YIPF6: variants seen among roughly 807,000 people sequenced by gnomAD.
The protein encoded by YIPF6 is Yip1 domain family member 6.
In YIPF6, 3 loss-of-function variants were observed where a neutral mutation model predicts 16.8. The observed-to-expected ratio is 0.18, with a 90% CI of 0.08 to 0.46. The LOEUF (loss-of-function observed/expected upper bound fraction) is 0.46. YIPF6 is among the 20% of genes least tolerant of loss of function. The probability of loss-of-function intolerance (pLI) is 0.98; values close to 1 mark genes in which losing one functional copy is unlikely to be tolerated. For synonymous variants in YIPF6, 67 were observed against 61.9 expected, an observed-to-expected ratio of 1.08 and a Z score of -0.38; for missense variants, 145 against 184.9, an observed-to-expected ratio of 0.78 and a Z score of 1.25.
rs1002157630 is a variant in YIPF6 at position 68,526,092 on chromosome X, T to C, written c.592+3175T>C. Among the ~76,000 whole-genome samples the C allele has an allele frequency of 1.8e-5, 2 of 112,037 alleles. 1 individual carries two copies. On this transcript the variant is annotated intron_variant, in intron 6 of 6. Coordinates refer to ENST00000462683, the MANE Select transcript of YIPF6 (RefSeq NM_173834.4). ...ACTTTGGGCAGTATGGCCATTTTCA[T>C]GATATTGATTCTTCCTATCCATCAG... is the stretch of plus-strand genomic sequence containing the variant.
At chrX:68,511,824 CT>C (rs750358281) in intron 1 of YIPF6, 24 bp from the exon 2 acceptor site, 8 of 1,185,629 alleles carry the variant, frequency 6.7e-6, no homozygotes, top group African/African-American at 5.3e-5. Flanking sequence ...TACAGGCTTA[CT>C]TTTTTTCCCC....
At chrX:68,513,462 A>G in intron 3 of YIPF6, 57 bp downstream of exon 3, 2 of 846,036 alleles carry the variant, frequency 2.4e-6, no homozygotes, top group South Asian at 3.7e-5. Context: ...ACCTTATCGT[A>G]AGTACTTTAT....
intron 1 of YIPF6, among the ~76,000 whole-genome samples, chrX:68,502,038 G>A (rs2079042899): frequency 8.9e-6 from 1 of 112,066 alleles, no homozygotes; most frequent in Admixed American, 9.6e-5. Context: ...TAGAATGCCT[G>A]GCATATAATA....
At chrX:68,524,360 G>T (rs1483781312) in intron 6 of YIPF6, among the ~76,000 whole-genome samples, 1 of 109,889 alleles carries the variant, frequency 9.1e-6, no homozygotes, top group African/African-American at 3.3e-5. Context: ...GTAGAGATGG[G>T]GTTTCACCAT....
chrX:68,534,299 G>A lies in YIPF6; in HGVS notation c.*2300G>A, dbSNP rs1487961418. The stretch of plus-strand genomic sequence containing the variant: ...AGCATTCTTTTTTTTTTTTAGTAGC[G>A]GTATTTCCATTTACAAAATATAGTA... On this transcript the variant is annotated 3_prime_UTR_variant, in exon 7 of 7. Transcript: ENST00000462683. 1 of 109,813 alleles carries A rather than the reference G, an allele frequency of 9.1e-6. No individual in the cohort carries two copies. The highest frequency in any genetic ancestry group is 1.9e-5 in the Non-Finnish European group (1 of 52,747). 9.0% of individuals were successfully genotyped at this position (109,813 alleles called of 1,213,427 possible). A position where few individuals can be genotyped will look rare whatever the true frequency, so the allele number is the denominator to read the frequency against.
chrX:68,530,956 G>A (rs1489181619), intron 6 of YIPF6, among the ~76,000 whole-genome samples: 1 of 110,967 alleles, frequency 9.0e-6, no homozygotes, highest in Non-Finnish European at 1.9e-5. Context: ...TAAAGAGATG[G>A]GGTTTCACTC....
At chrX:68,518,272 CAA>C (rs56068863) in intron 3 of YIPF6, among the ~76,000 whole-genome samples, 45 of 74,085 alleles carry the variant, frequency 6.1e-4, no homozygotes, top group African/African-American at 8.2e-4. Flanking sequence ...AACTCCATCT[CAA>C]AAAAAAAAAA....
chrX:68,517,296 T>C (rs1341274224), intron 3 of YIPF6, among the ~76,000 whole-genome samples: 3 of 111,568 alleles, frequency 2.7e-5, no homozygotes, highest in African/African-American at 9.8e-5. Flanking sequence ...TACAGGCACG[T>C]GCCACCATGC....
intron 6 of YIPF6, among the ~76,000 whole-genome samples, chrX:68,527,389 G>T (rs937048226): frequency 9.1e-6 from 1 of 110,019 alleles, no homozygotes; most frequent in African/African-American, 3.3e-5. Flanking sequence ...TCTGGCTAGC[G>T]GTCTATTTTG....
At chrX:68,515,011 A>G (rs187987273) in intron 3 of YIPF6, 2 of 111,373 alleles carry the variant, frequency 1.8e-5, no homozygotes, top group Admixed American at 9.5e-5. Context: ...GGGTCTCCCT[A>G]TGTTGCCCAG....
intron 4 of YIPF6, 117 bp from the exon 5 acceptor site, chrX:68,521,255 C>G (rs748295691): frequency 2.3e-6 from 2 of 878,546 alleles, no homozygotes; most frequent in East Asian, 6.7e-5. Context: ...CTACATATTA[C>G]AGATCTTCAG....
intron 6 of YIPF6, among the ~76,000 whole-genome samples, chrX:68,524,522 T>G (rs968756956): frequency 5.5e-5 from 6 of 108,938 alleles, no homozygotes; most frequent in Non-Finnish European, 9.5e-5. Flanking sequence ...TATATATATG[T>G]TTTTATATTA....
At chrX:68,506,925 C>CT (rs2079062157) in intron 1 of YIPF6, among the ~76,000 whole-genome samples, 1 of 111,194 alleles carries the variant, frequency 9.0e-6, no homozygotes, top group African/African-American at 3.3e-5. Flanking sequence ...TAGAATTCTG[C>CT]TTTTAAAGAG....
intron 6 of YIPF6, among the ~76,000 whole-genome samples, chrX:68,523,916 T>C (rs184355720): frequency 1.9e-3 from 216 of 112,107 alleles, no homozygotes; most frequent in African/African-American, 6.7e-3. Context: ...TTATCCAGTG[T>C]CCAGGCTCAC....
chrX:68,517,845 A>G (rs1239172846), intron 3 of YIPF6, among the ~76,000 whole-genome samples: 1 of 109,261 alleles, frequency 9.2e-6, no homozygotes, highest in Non-Finnish European at 1.9e-5. Flanking sequence ...GTGTGCCTGT[A>G]GTCCCAATTA....
intron 4 of YIPF6, among the ~76,000 whole-genome samples, chrX:68,520,196 G>A (rs749527350): frequency 1.8e-5 from 2 of 112,680 alleles, no homozygotes; most frequent in East Asian, 5.6e-4. Flanking sequence ...ATACTGCCAA[G>A]TAGCATAGCA....
intron 3 of YIPF6, among the ~76,000 whole-genome samples, chrX:68,515,573 T>C (rs891954292): frequency 9.0e-6 from 1 of 111,728 alleles, no homozygotes; most frequent in Non-Finnish European, 1.9e-5. Context: ...GAAGGTCTTC[T>C]GGGGCATTAA....
chrX:68,534,687 C>T lies in YIPF6; in HGVS notation c.*2688C>T, dbSNP rs2147829833. The T allele has an allele frequency of 9.0e-6, 1 of 111,715 alleles. No individual in the cohort carries two copies. The highest frequency in any genetic ancestry group is 2.8e-4 in the East Asian group (1 of 3,564). The allele number at this position is 111,715 out of a possible 1,213,427, so 9.2% of individuals were successfully genotyped here. A position where few individuals can be genotyped will look rare whatever the true frequency, so the allele number is the denominator to read the frequency against. ...TTTTCTTAATATATTCAAAAAAGTG[C>T]ATTGCTTTCTGTGATGGAAGTTAAG... On this transcript the variant is annotated 3_prime_UTR_variant, in exon 7 of 7. Transcript: ENST00000462683.
In YIPF6 at chrX:68,521,356, T is replaced by C; in HGVS notation, c.309-16T>C. 8.3e-7 allele frequency: 1 copy of C among 1,206,135 alleles called. No homozygotes were observed. Among genetic ancestry groups the C allele is most frequent in the Non-Finnish European group, 1.1e-6 (1 of 893,717 alleles). On this transcript the variant is annotated splice_polypyrimidine_tract_variant and intron_variant, in intron 4 of 6. Transcript: ENST00000462683. Reference sequence around the variant, plus strand: ...GTAAAAGATTAAGCAATTCTTACGCTGTTTCCTTTTCTCAGAATGCTGCAA... The same window carrying C: ...GTAAAAGATTAAGCAATTCTTACGCCGTTTCCTTTTCTCAGAATGCTGCAA...
Sources: gnomAD v4.1 joint callset for allele counts (sites outside exome capture counted in the v4.1 genomes callset) on GRCh38, gnomAD v4.1.1 for gene constraint, MANE v1.5 for transcripts, NCBI Gene and HGNC (gene_info 2026-07-23, HGNC 2026-07-21) for gene names.